The following TBC1D22A variants were observed in gnomAD, a reference collection of about 807,000 sequenced individuals.
TBC1D22A encodes putative GTPase activator.
In TBC1D22A, 38 loss-of-function variants were observed where a neutral mutation model predicts 60.2. The ratio of observed to expected loss-of-function variants is 0.63; its 90% CI spans 0.49 to 0.83. The LOEUF is 0.83. Ranked by LOEUF, TBC1D22A falls within the 40% of genes least tolerant of loss-of-function variation. TBC1D22A has a pLI of 0.00. For missense variants in TBC1D22A, 628 were observed against 701.0 expected, an observed-to-expected ratio of 0.90 and a Z score of 1.18; for synonymous variants, 302 against 281.7, an observed-to-expected ratio of 1.07 and a Z score of -0.72.
intron 11 of TBC1D22A, among the ~76,000 whole-genome samples, chr22:47,064,599 G>A (rs1603220410): frequency 6.6e-6 from 1 of 152,220 alleles, no homozygotes; most frequent in South Asian, 2.1e-4. Context: ...CTGCCCAGCC[G>A]TGCTCAGCAC....
At chr22:47,152,918 C>G (rs1325729814) in intron 12 of TBC1D22A, among the ~76,000 whole-genome samples, 1 of 151,800 alleles carries the variant, frequency 6.6e-6, no homozygotes, top group Non-Finnish European at 1.5e-5. Context: ...GAAAAGCACT[C>G]GGGCTAATTG....
chr22:47,056,255 G>T (rs2063390475), intron 11 of TBC1D22A, among the ~76,000 whole-genome samples: 1 of 152,006 alleles, frequency 6.6e-6, no homozygotes, highest in Non-Finnish European at 1.5e-5. Flanking sequence ...TGACCTGGGT[G>T]CCCTTGGGGC....
chr22:47,167,294 T>C lies in TBC1D22A; in HGVS notation c.1426-6204T>C, dbSNP rs1320185197. On this transcript the variant is annotated intron_variant, in intron 12 of 12. Transcript: ENST00000337137. ...ATCGTGGGCACCAGAAGCCCCGTAG[T>C]GGAAGGTGTAACCAGCCATTCAAGC... Among the ~76,000 whole-genome samples the C allele has an allele frequency of 3.3e-5, 5 of 152,314 alleles. No individual in the cohort carries two copies. The East Asian group carries it at 9.7e-4, about 29-fold the overall frequency.
rs754014459 is a variant in TBC1D22A, at chr22:47,174,117, C to T, written c.*491C>T. 6.4e-6 allele frequency: 1 copy of T among 155,834 alleles called. No homozygotes were observed. Among genetic ancestry groups the T allele is most frequent in the Non-Finnish European group, 1.4e-5 (1 of 70,108 alleles). The allele number at this position is 155,834 out of a possible 1,614,324, so 9.7% of individuals were successfully genotyped here. A position where few individuals can be genotyped will look rare whatever the true frequency, so the allele number is the denominator to read the frequency against. On this transcript the variant is annotated 3_prime_UTR_variant, in exon 13 of 13. Coordinates refer to ENST00000337137, the MANE Select transcript of TBC1D22A (RefSeq NM_014346.5). ...GAGACGTTGCGCTGACCCGGGGTCT[C>T]TGTGCCGCGAGGTCCCCTCACAGCT...
intron 8 of TBC1D22A, among the ~76,000 whole-genome samples, chr22:46,972,855 C>A (rs1165193545): frequency 6.6e-6 from 1 of 152,168 alleles, no homozygotes; most frequent in African/African-American, 2.4e-5. Flanking sequence ...CCCCCAGCAC[C>A]CCAGAGAGAG....
At chr22:47,083,246 A>G (rs1369400668) in intron 11 of TBC1D22A, among the ~76,000 whole-genome samples, 2 of 152,170 alleles carry the variant, frequency 1.3e-5, no homozygotes, top group Admixed American at 6.6e-5. Flanking sequence ...TTCAATTGCA[A>G]GACTCAGCAA....
At chr22:46,792,440 C>T (rs750618101) in intron 1 of TBC1D22A, 80 bp from the exon 2 acceptor site, 6 of 1,596,834 alleles carry the variant, frequency 3.8e-6, no homozygotes, top group Non-Finnish European at 5.2e-6. Context: ...TCCTGGGAGC[C>T]CACCTTTCGG....
intron 5 of TBC1D22A, among the ~76,000 whole-genome samples, chr22:46,889,909 G>C (rs1458931077): frequency 6.6e-6 from 1 of 152,194 alleles, no homozygotes; most frequent in Non-Finnish European, 1.5e-5. Context: ...CCTTGGAGCA[G>C]GAGTTACATA....
intron 12 of TBC1D22A, among the ~76,000 whole-genome samples, chr22:47,141,694 T>C (rs2067091152): frequency 6.6e-6 from 1 of 152,222 alleles, no homozygotes. Flanking sequence ...CACGCCTGTT[T>C]GTGCCACACA....
intron 12 of TBC1D22A, among the ~76,000 whole-genome samples, chr22:47,121,616 G>A (rs764595279): frequency 3.9e-4 from 59 of 152,096 alleles, no homozygotes; most frequent in Middle Eastern, 3.2e-3. Context: ...TATTCCACGC[G>A]TGGACAGAAA....
At chr22:47,094,960 T>C (rs2065114286) in intron 11 of TBC1D22A, among the ~76,000 whole-genome samples, 1 of 152,146 alleles carries the variant, frequency 6.6e-6, no homozygotes, top group Non-Finnish European at 1.5e-5. Context: ...AAAGAGAACA[T>C]GGGTGGCATA....
chr22:47,098,707 C>T (rs568874122), intron 11 of TBC1D22A, among the ~76,000 whole-genome samples: 1 of 152,224 alleles, frequency 6.6e-6, no homozygotes. Flanking sequence ...TCAGATGACT[C>T]GCATCATGGG....
At chr22:46,837,679 T>C (rs1015868646) in intron 4 of TBC1D22A, among the ~76,000 whole-genome samples, 27 of 152,018 alleles carry the variant, frequency 1.8e-4, no homozygotes, top group African/African-American at 6.3e-4. Flanking sequence ...TTGAGGCAAA[T>C]GAAAATGGAA....
chr22:46,927,854 A>G (rs2071135795), intron 8 of TBC1D22A, among the ~76,000 whole-genome samples: 1 of 152,254 alleles, frequency 6.6e-6, no homozygotes, highest in African/African-American at 2.4e-5. Context: ...ATACTTAGAC[A>G]TAAATTTAGC....
chr22:47,029,414 C>G (rs568136658), intron 10 of TBC1D22A, among the ~76,000 whole-genome samples: 1 of 152,176 alleles, frequency 6.6e-6, no homozygotes, highest in South Asian at 2.1e-4. Flanking sequence ...GCTTGGTGAC[C>G]GGGGTTTCTA....
chr22:46,790,105 A>G (rs146014048), intron 1 of TBC1D22A, among the ~76,000 whole-genome samples: 34 of 152,352 alleles, frequency 2.2e-4, no homozygotes, highest in African/African-American at 7.9e-4. Context: ...AGAATTTGCA[A>G]GTCTGATGTG....
intron 11 of TBC1D22A, among the ~76,000 whole-genome samples, chr22:47,076,715 C>A (rs978032556): frequency 2.6e-5 from 4 of 151,918 alleles, no homozygotes. Flanking sequence ...TGTGATAGTT[C>A]GTTTGCTTTG....
At chr22:46,997,584 G>A (rs751413859) in intron 9 of TBC1D22A, 50 bp from the exon 10 acceptor site, 1 of 1,499,192 alleles carries the variant, frequency 6.7e-7, no homozygotes, top group East Asian at 2.3e-5. Flanking sequence ...CTTTTGGAAA[G>A]TTTGTTTTAT....
At position 47,175,309 on chromosome 22, in the gene TBC1D22A, C is replaced by G. The variant is rs2068644572; in HGVS notation, c.*1683C>G. ...AGGGTCAAGGGTTCCTCAGACCAGC[C>G]ATGCCTCCTCCTCCTGCCGCCTCCT... On this transcript the variant is annotated 3_prime_UTR_variant, in exon 13 of 13. Coordinates refer to ENST00000337137, the MANE Select transcript of TBC1D22A (RefSeq NM_014346.5). The G allele has an allele frequency of 6.6e-6, 1 of 152,432 alleles. No individual in the cohort carries two copies. The highest frequency in any genetic ancestry group is 1.5e-5 in the Non-Finnish European group (1 of 68,202). 9.4% of individuals were successfully genotyped at this position (152,432 alleles called of 1,614,324 possible). A position where few individuals can be genotyped will look rare whatever the true frequency, so the allele number is the denominator to read the frequency against.
Sources: allele counts gnomAD v4.1 joint callset (sites outside exome capture counted in the v4.1 genomes callset), GRCh38; gene constraint gnomAD v4.1.1; transcripts MANE v1.5; gene names NCBI Gene and HGNC (gene_info 2026-07-23, HGNC 2026-07-21).